Variants in KCND3 observed in about 807,000 individuals in gnomAD.
KCND3 encodes the protein potassium voltage-gated channel subfamily D member 3.
A neutral mutation model predicts 51.1 loss-of-function variants in KCND3; 9 were observed. The observed-to-expected ratio is 0.18, with a 90% CI of 0.11 to 0.31. The LOEUF (loss-of-function observed/expected upper bound fraction) is 0.31. Among genes scored for constraint, KCND3 ranks in the 10% least tolerant of loss-of-function variants. The pLI, the probability that KCND3 is intolerant of heterozygous loss-of-function variation, is 1.00. For synonymous variants in KCND3, 349 were observed against 368.0 expected (o/e 0.95, Z 0.59); for missense variants, 526 against 903.8 (o/e 0.58, Z 5.36).
intron 2 of KCND3, among the ~76,000 whole-genome samples, chr1:111,879,100 T>A (rs1014795478): frequency 1.3e-4 from 20 of 152,220 alleles, no homozygotes; most frequent in African/African-American, 4.8e-4. Context: ...TTGAGCCTGC[T>A]GGCTTCTGTA....
intron 3 of KCND3, among the ~76,000 whole-genome samples, chr1:111,783,527 C>A (rs1227202224): frequency 2.6e-5 from 4 of 152,184 alleles, no homozygotes; most frequent in Non-Finnish European, 5.9e-5. Context: ...AGGCCTCTCA[C>A]AATTAAGCAC....
intron 2 of KCND3, among the ~76,000 whole-genome samples, chr1:111,792,505 A>T (rs1009868634): frequency 2.0e-5 from 3 of 152,162 alleles, no homozygotes; most frequent in African/African-American, 7.2e-5. Context: ...AGTCAGCGGG[A>T]GCTTAGCCCC....
chr1:111,932,152 G>A (rs1180181819), intron 2 of KCND3, among the ~76,000 whole-genome samples: 2 of 152,138 alleles, frequency 1.3e-5, no homozygotes, highest in South Asian at 2.1e-4. Flanking sequence ...TGATTACACT[G>A]GGCCCACCTG....
intron 2 of KCND3, among the ~76,000 whole-genome samples, chr1:111,961,474 C>T (rs906381435): frequency 2.0e-5 from 3 of 152,166 alleles, no homozygotes; most frequent in African/African-American, 7.2e-5. Context: ...CAGGGTTGAC[C>T]TCTGCTTAGT....
intron 2 of KCND3, among the ~76,000 whole-genome samples, chr1:111,956,564 T>C (rs772510168): frequency 1.3e-5 from 2 of 152,182 alleles, no homozygotes; most frequent in Non-Finnish European, 2.9e-5. Context: ...GCCTGGGCTC[T>C]CGAGTCCCAC....
At chr1:111,980,203 A>AGTGTGTGTGT (rs58988523) in intron 2 of KCND3, among the ~76,000 whole-genome samples, 26,953 of 142,748 alleles carry the variant, frequency 0.19, 2,548 homozygotes, top group Non-Finnish European at 0.21. Flanking sequence ...CCATTTGAAG[A>AGTGTGTGTGT]GTGTGTGTGT....
At chr1:111,988,618 A>G (rs1040788308) in intron 1 of KCND3, 3 of 152,228 alleles carry the variant, frequency 2.0e-5, no homozygotes, top group African/African-American at 7.2e-5. Context: ...AGTAAGGTAA[A>G]CAAGGCATAC....
intron 5 of KCND3, among the ~76,000 whole-genome samples, chr1:111,778,880 T>C (rs963874970): frequency 1.3e-5 from 2 of 152,172 alleles, no homozygotes; most frequent in African/African-American, 4.8e-5. Context: ...CATCCCTCAA[T>C]TCTAAAATCT....
intron 2 of KCND3, among the ~76,000 whole-genome samples, chr1:111,789,200 T>G (rs1209799146): frequency 1.3e-5 from 2 of 152,192 alleles, no homozygotes; most frequent in Non-Finnish European, 1.5e-5. Flanking sequence ...ACAGAAAGAT[T>G]GCTTCATCCA....
At chr1:111,947,971 CA>C (rs1448565790) in intron 2 of KCND3, among the ~76,000 whole-genome samples, 5 of 152,120 alleles carry the variant, frequency 3.3e-5, no homozygotes, top group Admixed American at 2.0e-4. Flanking sequence ...GGTAAGCAGT[CA>C]GGGGGAAGTG....
At chr1:111,952,700 C>G (rs930949711) in intron 2 of KCND3, among the ~76,000 whole-genome samples, 1 of 152,146 alleles carries the variant, frequency 6.6e-6, no homozygotes, top group Non-Finnish European at 1.5e-5. Flanking sequence ...ATGGACTTCC[C>G]CAGGTCATGC....
intron 2 of KCND3, among the ~76,000 whole-genome samples, chr1:111,877,703 T>C (rs1669111486): frequency 6.6e-6 from 1 of 152,096 alleles, no homozygotes; most frequent in Non-Finnish European, 1.5e-5. Flanking sequence ...CCGCTGGTGG[T>C]TGGTTGCCAG....
At position 111,775,769 on chromosome 1, in the gene KCND3, C is replaced by A; in HGVS notation, c.*308G>T. The A allele has an allele frequency of 2.2e-6, 1 of 448,796 alleles. No homozygotes were observed. Among genetic ancestry groups the A allele is most frequent in the South Asian group, 2.2e-5 (1 of 44,690 alleles). The allele number at this position is 448,796 out of a possible 1,614,324, so 27.8% of individuals were successfully genotyped here. ...ATTTGGTCTGAGTCTGAGGCTCCTCCATCCAGGCCCTGTCCTGGCACATAG... is the reference window on the plus strand; with the variant it reads ...ATTTGGTCTGAGTCTGAGGCTCCTCAATCCAGGCCCTGTCCTGGCACATAG... On this transcript the variant is annotated 3_prime_UTR_variant, in exon 8 of 8. Transcript: ENST00000302127.
chr1:111,860,060 A>G (rs1668264159), intron 2 of KCND3, among the ~76,000 whole-genome samples: 1 of 152,256 alleles, frequency 6.6e-6, no homozygotes, highest in Non-Finnish European at 1.5e-5. Flanking sequence ...CTATTCTGAT[A>G]TAGCTACAGC....
chr1:111,976,514 A>AG (rs1674634230), intron 2 of KCND3, among the ~76,000 whole-genome samples: 2 of 152,392 alleles, frequency 1.3e-5, no homozygotes, highest in South Asian at 4.1e-4. Context: ...TGTTTGAGTG[A>AG]ACAAATACTT....
chr1:111,875,656 G>A (rs1320737868), intron 2 of KCND3, among the ~76,000 whole-genome samples: 1 of 152,218 alleles, frequency 6.6e-6, no homozygotes, highest in African/African-American at 2.4e-5. Context: ...TGGCACAGGG[G>A]AGAATTAATT....
intron 2 of KCND3, among the ~76,000 whole-genome samples, chr1:111,907,497 A>G (rs1032760440): frequency 2.0e-5 from 3 of 152,200 alleles, no homozygotes; most frequent in Admixed American, 6.5e-5. Flanking sequence ...AGACCAACCC[A>G]CAACCATGTG....
intron 2 of KCND3, among the ~76,000 whole-genome samples, chr1:111,863,045 CAAG>C (rs1005156292): frequency 6.6e-6 from 1 of 152,146 alleles, no homozygotes; most frequent in Non-Finnish European, 1.5e-5. Context: ...ATGATAGCAA[CAAG>C]AAGAAGAAAG....
intron 2 of KCND3, among the ~76,000 whole-genome samples, chr1:111,955,133 T>C (rs1043511350): frequency 6.6e-6 from 1 of 152,212 alleles, no homozygotes; most frequent in East Asian, 1.9e-4. Context: ...CCTATATCCC[T>C]GCCCGGAACA....
Sources: gnomAD v4.1 joint callset for allele counts (sites outside exome capture counted in the v4.1 genomes callset) on GRCh38, gnomAD v4.1.1 for gene constraint, MANE v1.5 for transcripts, NCBI Gene and HGNC (gene_info 2026-07-23, HGNC 2026-07-21) for gene names.